The following CCN3 variants were observed in gnomAD, a reference collection of about 807,000 sequenced individuals.
The protein encoded by CCN3 is cellular communication network factor 3.
CCN3 carries 20 observed loss-of-function variants against 33.4 expected under a neutral mutation model. The ratio of observed to expected loss-of-function variants is 0.60; its 90% CI spans 0.42 to 0.87. The LOEUF is 0.87. CCN3 is among the 40% of genes least tolerant of loss of function. CCN3 has a pLI of 0.00. For missense variants in CCN3, 465 were observed against 455.3 expected, an observed-to-expected ratio of 1.02 and a Z score of -0.19; for synonymous variants, 205 against 170.4, an observed-to-expected ratio of 1.20 and a Z score of -1.58.
At chr8:119,420,268 C>T (rs770347083) in intron 4 of CCN3, among the ~76,000 whole-genome samples, 5 of 152,196 alleles carry the variant, frequency 3.3e-5, no homozygotes, top group Non-Finnish European at 7.4e-5. Context: ...TTTTCTTAAC[C>T]TCTCAGCCTC....
chr8:119,422,934 TG>T lies in CCN3; in HGVS notation c.880del (p.Val294SerfsTer27). ...TGCACACCTACAAGCCCAGGTTCTG[TG>T]GGGTCTGCAGTGATGGCCGCTGCTG... ...SLHTYKPRFC[G>X]VCSDGRCCTP... On this transcript the variant is annotated frameshift_variant, in exon 5 of 5. Transcript: ENST00000259526. LOFTEE classifies it high-confidence loss of function. 2 of 1,614,112 alleles carry T rather than the reference TG, an allele frequency of 1.2e-6. No homozygotes were observed. The highest frequency in any genetic ancestry group is 1.7e-6 in the Non-Finnish European group (2 of 1,180,034).
rs1422482342 is a variant in CCN3 at position 119,419,146 on chromosome 8, C to T, written c.578C>T (p.Ala193Val). The change falls in exon 4 of 5, where the codon GCC becomes GTC. Residue 193 changes from alanine (A) to valine (V), a missense_variant. Coordinates refer to ENST00000259526, the MANE Select transcript of CCN3 (RefSeq NM_002514.4). ...GLTLAAYRPE[A>V]TLGVEVSDSS... is the part of the protein sequence containing the mutation. ...CATCCCATAGCTTACAGGCCAGAAG[C>T]CACCCTAGGAGTAGAAGTCTCTGAC... The T allele has an allele frequency of 2.5e-6, 4 of 1,613,838 alleles. No homozygotes were observed. The highest frequency in any genetic ancestry group is 2.7e-5 in the African/African-American group (2 of 74,902).
intron 3 of CCN3, among the ~76,000 whole-genome samples, chr8:119,418,695 A>G (rs1820085726): frequency 6.6e-6 from 1 of 152,200 alleles, no homozygotes; most frequent in African/African-American, 2.4e-5. Flanking sequence ...CCGTCTCATG[A>G]TTAACCTCCT....
rs1563616184 is a variant in CCN3, at chr8:119,418,221, A to G, written c.474A>G (p.Pro158=). 1 of 1,614,108 alleles carries G rather than the reference A, an allele frequency of 6.2e-7. No individual in the cohort carries two copies. ...VLLPEPNCPA[P]RKVEVPGECC... ...TGCCTGAGCCTAACTGCCCAGCTCC[A>G]AGAAAAGTTGAGGTGCCTGGAGAGT... The change falls in exon 3 of 5, where the codon CCA becomes CCG. Residue 158 remains proline (P), a synonymous_variant. Transcript: ENST00000259526.
intron 4 of CCN3, among the ~76,000 whole-genome samples, chr8:119,419,757 C>A (rs1288972316): frequency 6.6e-6 from 1 of 152,170 alleles, no homozygotes; most frequent in Non-Finnish European, 1.5e-5. Context: ...TGGGTCTTAC[C>A]TCTCAGTCCT....
intron 2 of CCN3, 164 bp downstream of exon 2, chr8:119,417,133 G>T: frequency 1.5e-6 from 1 of 655,124 alleles, no homozygotes; most frequent in South Asian, 2.2e-5. Context: ...CATGGTTTGG[G>T]GAGCACTTGG....
rs1303328457 is a variant in CCN3, at chr8:119,422,833, TAGAA to T, written c.778_781del (p.Lys260GlufsTer60). The T allele has an allele frequency of 1.3e-6, 2 of 1,592,452 alleles. No individual in the cohort carries two copies. The highest frequency in any genetic ancestry group is 1.7e-6 in the Non-Finnish European group (2 of 1,167,438). On this transcript the variant is annotated splice_acceptor_variant and coding_sequence_variant, in exon 5 of 5. Transcript: ENST00000259526. LOFTEE classifies it high-confidence loss of function. ...AATACATCACTTCTTTTTTCTTTCT[TAGAA>T]AGGAAAAAAGTGTCTCCGCACCAAG... is the stretch of plus-strand genomic sequence containing the variant.
intron 2 of CCN3, 61 bp from the exon 3 acceptor site, chr8:119,417,997 T>C (rs1820075738): frequency 4.0e-6 from 6 of 1,515,524 alleles, no homozygotes; most frequent in Admixed American, 1.7e-5. Context: ...TTCTTCACTG[T>C]ATTGTGTTCT....
intron 4 of CCN3, among the ~76,000 whole-genome samples, chr8:119,420,391 A>G (rs1437692659): frequency 6.6e-6 from 1 of 152,254 alleles, no homozygotes; most frequent in East Asian, 1.9e-4. Flanking sequence ...CTCTGTTAAC[A>G]GTAGCCACCA....
Position 119,419,190 on chromosome 8 carries a change from G to T in CCN3, c.622G>T (p.Glu208Ter). 6.2e-7 allele frequency: 1 copy of T among 1,614,208 alleles called. No homozygotes were observed. ...EVSDSSVNCI[E>*]QTTEWTACSK... The stretch of plus-strand genomic sequence containing the variant: ...CTCTGACTCAAGTGTCAACTGCATT[G>T]AACAGACCACAGAGTGGACAGCATG... The change falls in exon 4 of 5, where the codon GAA becomes TAA. Residue 208 changes from glutamate to a stop codon, truncating the protein, a stop_gained. Coordinates refer to ENST00000259526, the MANE Select transcript of CCN3 (RefSeq NM_002514.4). LOFTEE classifies it high-confidence loss of function.
In CCN3 at chr8:119,416,805, C is replaced by A. The variant is rs745623632; in HGVS notation, c.146C>A (p.Thr49Asn). Residue 49 changes from threonine (T) to asparagine (N), a missense_variant, in exon 2 of 5, where the codon ACC (threonine) becomes AAC (asparagine). Physicochemically the swap from Thr to Asn is moderately conservative, Grantham distance 65 (BLOSUM62 0). Transcript: ENST00000259526. ...GGCCGGTGCCCTGCGACGCCGCCGA[C>A]CTGCGCCCCCGGGGTGCGCGCGGTG... ...CPGRCPATPP[T>N]CAPGVRAVLD... is the part of the protein sequence containing the mutation. The A allele has an allele frequency of 6.2e-7, 1 of 1,605,460 alleles. No individual in the cohort carries two copies. The highest frequency in any genetic ancestry group is 8.5e-7 in the Non-Finnish European group (1 of 1,176,296).
At chr8:119,417,670 C>G (rs1427747157) in intron 2 of CCN3, among the ~76,000 whole-genome samples, 2 of 152,166 alleles carry the variant, frequency 1.3e-5, no homozygotes, top group African/African-American at 2.4e-5. Flanking sequence ...GATCAGCTAA[C>G]CTGTTGGAAA....
chr8:119,417,983 T>C, intron 2 of CCN3, 75 bp from the exon 3 acceptor site: 3 of 1,460,822 alleles, frequency 2.1e-6, no homozygotes, highest in Non-Finnish European at 2.8e-6. Context: ...AAATCTTACA[T>C]AGCTTCTTCA....
At chr8:119,420,138 A>T (rs1238197850) in intron 4 of CCN3, 1 of 152,204 alleles carries the variant, frequency 6.6e-6, no homozygotes, top group Non-Finnish European at 1.5e-5. Context: ...GCAATTCAAG[A>T]TTTACATATC....
chr8:119,417,001 T>C, intron 2 of CCN3, 32 bp downstream of exon 2: 2 of 1,557,628 alleles, frequency 1.3e-6, no homozygotes, highest in Non-Finnish European at 1.8e-6. Flanking sequence ...TTTGACCTCT[T>C]CTCCTGCAGC....
Position 119,423,028 on chromosome 8 carries a change from C to G in CCN3, c.970C>G (p.Pro324Ala), listed in dbSNP as rs748353967. 9 of 1,614,004 alleles carry G rather than the reference C, an allele frequency of 5.6e-6. No individual in the cohort carries two copies. Among genetic ancestry groups the G allele is most frequent in the Admixed American group, 1.7e-5 (1 of 59,992 alleles). Residue 324 changes from proline to alanine, a missense_variant, in exon 5 of 5, where the codon CCA (proline) becomes GCA (alanine). Coordinates refer to ENST00000259526, the MANE Select transcript of CCN3 (RefSeq NM_002514.4). ...CTCCCCAGGGCAAATAGTCAAGAAG[C>G]CAGTGATGGTCATTGGGACCTGCAC... ...QCSPGQIVKK[P>A]VMVIGTCTCH...
At chr8:119,419,447 A>C in intron 4 of CCN3, 102 bp downstream of exon 4, 3 of 1,191,732 alleles carry the variant, frequency 2.5e-6, no homozygotes, top group Non-Finnish European at 3.6e-6. Flanking sequence ...CGGAGAGAGC[A>C]GCTATAGCGG....
rs1038124040 is a variant in CCN3 at position 119,423,074 on chromosome 8, A to C, written c.1016A>C (p.Lys339Thr). Residue 339 changes from lysine (K) to threonine (T), a missense_variant, in exon 5 of 5, where the codon AAG becomes ACG. Lys to Thr is a moderately conservative substitution (Grantham distance 78). Coordinates refer to ENST00000259526, the MANE Select transcript of CCN3 (RefSeq NM_002514.4). Reference sequence around the variant, plus strand: ...TGCACCTGTCACACCAACTGTCCTAAGAACAATGAGGCCTTCCTCCAGGAG... The same window carrying C: ...TGCACCTGTCACACCAACTGTCCTACGAACAATGAGGCCTTCCTCCAGGAG... ...GTCTCHTNCP[K>T]NNEAFLQELE... 6.2e-7 allele frequency: 1 copy of C among 1,614,100 alleles called. No individual in the cohort carries two copies. Among genetic ancestry groups the C allele is most frequent in the Non-Finnish European group, 8.5e-7 (1 of 1,180,046 alleles).
At position 119,422,925 on chromosome 8, in the gene CCN3, C is replaced by T. The variant is rs2130458963; in HGVS notation, c.867C>T (p.Pro289=). Residue 289 remains proline, a synonymous_variant, in exon 5 of 5, where the codon CCC becomes CCT. Coordinates refer to ENST00000259526, the MANE Select transcript of CCN3 (RefSeq NM_002514.4). ...KNCTSLHTYK[P]RFCGVCSDGR... ...GCACCAGCCTGCACACCTACAAGCC[C>T]AGGTTCTGTGGGGTCTGCAGTGATG... 6.2e-7 allele frequency: 1 copy of T among 1,614,122 alleles called. No individual in the cohort carries two copies. Among genetic ancestry groups the T allele is most frequent in the Admixed American group, 1.7e-5 (1 of 60,022 alleles).
Sources: allele counts gnomAD v4.1 joint callset (sites outside exome capture counted in the v4.1 genomes callset), GRCh38; gene constraint gnomAD v4.1.1; transcripts MANE v1.5; gene names NCBI Gene and HGNC (gene_info 2026-07-23, HGNC 2026-07-21).